Variants in CEP83 observed in about 807,000 individuals in gnomAD.
CEP83 encodes the protein centrosomal protein 83, also known as centrosomal protein of 83 kDa.
In CEP83, 70 loss-of-function variants were observed where a neutral mutation model predicts 101.9. That is an observed-to-expected ratio of 0.69 (90% confidence interval 0.57 to 0.84). The LOEUF is 0.84. Among genes scored for constraint, CEP83 ranks in the 40% least tolerant of loss-of-function variants. The pLI is 0.00. For missense variants in CEP83, 715 were observed against 787.2 expected (o/e 0.91, Z 1.10); for synonymous variants, 264 against 267.9 (o/e 0.99, Z 0.14).
At position 94,378,796 on chromosome 12, in the gene CEP83, G is replaced by C. The variant is rs568103955; in HGVS notation, c.796C>G (p.Leu266Val). The C allele has an allele frequency of 4.5e-5, 73 of 1,613,930 alleles. No homozygotes were observed. In the Admixed American group the frequency reaches 4.7e-4, roughly 10 times the overall value. The stretch of plus-strand genomic sequence containing the variant: ...GGAAGTAATTAGAATCTTACCTCCA[G>C]GGATCTGACTGTAGCCTGCATCTCA... Reference protein sequence around the residue: ...LAEMQATVRSLEAEKQSANLR... With the variant: ...LAEMQATVRSVEAEKQSANLR... Residue 266 changes from leucine (L) to valine (V), a missense_variant, in exon 7 of 17, where the codon CTG becomes GTG. Physicochemically the swap from Leu to Val is conservative, Grantham distance 32 (BLOSUM62 1). Coordinates refer to ENST00000397809, the MANE Select transcript of CEP83 (RefSeq NM_016122.3).
chr12:94,277,846 T>G, the CEP83 span: 2 of 429,408 alleles, frequency 4.7e-6, no homozygotes, highest in Admixed American at 4.9e-5. Context: ...ATGATCACAT[T>G]TAATCTCCCT....
At chr12:94,292,031 C>T in the CEP83 span, among the ~76,000 whole-genome samples, 159 of 152,298 alleles carry the variant, frequency 1.0e-3, no homozygotes, top group African/African-American at 3.3e-3. Context: ...TGCAGTTCAT[C>T]CATGCTGTAG....
intron 6 of CEP83, among the ~76,000 whole-genome samples, chr12:94,396,493 T>C (rs1255743104): frequency 6.6e-6 from 1 of 151,894 alleles, no homozygotes; most frequent in Non-Finnish European, 1.5e-5. Context: ...TTTCACTGTG[T>C]TAGCCAGGAT....
chr12:94,298,193 T>C, the CEP83 span, among the ~76,000 whole-genome samples: 4 of 152,370 alleles, frequency 2.6e-5, no homozygotes, highest in East Asian at 7.7e-4. Context: ...TCAAATGCTT[T>C]GGAAAGTACA....
rs534019766 is a variant in CEP83 at position 94,384,875 on chromosome 12, C to T, written c.550-5833G>A. Among the ~76,000 whole-genome samples the T allele has an allele frequency of 5.3e-5, 8 of 152,272 alleles. No individual in the cohort carries two copies. In the South Asian group the frequency reaches 1.2e-3, roughly 24 times the overall value. ...AATGTTTGTCAAATAATTCTAACAC[C>T]TCTGCATCTCAGTGTTGGCATCTAT... On this transcript the variant is annotated intron_variant, in intron 6 of 16. Transcript: ENST00000397809.
rs946589721 is a variant in CEP83, at chr12:94,459,177, G to A, written c.-155+380C>T. Among the ~76,000 whole-genome samples the A allele has an allele frequency of 1.7e-4, 26 of 152,198 alleles. 1 individual carries two copies. The highest frequency in any genetic ancestry group is 6.0e-4 in the African/African-American group (25 of 41,440). Reference sequence around the variant, plus strand: ...TTATGGTCAAAAGTTGGACACTGAGGATTAACCAAAGTATTTAAACCCAGC... The same window carrying A: ...TTATGGTCAAAAGTTGGACACTGAGAATTAACCAAAGTATTTAAACCCAGC... On this transcript the variant is annotated intron_variant, in intron 1 of 16. Transcript: ENST00000397809.
At chr12:94,268,588 C>CTTTTTTTTTTTTTTTTTTTT in the CEP83 span, among the ~76,000 whole-genome samples, 24 of 90,878 alleles carry the variant, frequency 2.6e-4, 1 homozygote, top group African/African-American at 1.0e-3. Flanking sequence ...AGAATAAGAC[C>CTTTTTTTTTTTTTTTTTTTT]TTTTTTTTTT....
chr12:94,315,378 C>A (rs1463861753), intron 14 of CEP83, among the ~76,000 whole-genome samples: 1 of 152,024 alleles, frequency 6.6e-6, no homozygotes, highest in African/African-American at 2.4e-5. Flanking sequence ...ATCTGGATAT[C>A]CCTTCTTTGT....
In CEP83 at chr12:94,376,018, C is replaced by T; in HGVS notation, c.802-1G>A. 1.9e-6 allele frequency: 3 copies of T among 1,539,902 alleles called. No individual in the cohort carries two copies. The East Asian group carries it at 7.0e-5, about 36-fold the overall frequency. ...GTAAATTAGCTGATTGTTTTTCAGC[C>T]TTTCATACAAACAAAATAGTTTAAA... is the stretch of plus-strand genomic sequence containing the variant. On this transcript the variant is annotated splice_acceptor_variant, in intron 7 of 16. Coordinates refer to ENST00000397809, the MANE Select transcript of CEP83 (RefSeq NM_016122.3). LOFTEE classifies it high-confidence loss of function.
At chr12:94,312,346 A>C (rs1375583608) in intron 15 of CEP83, among the ~76,000 whole-genome samples, 1 of 152,234 alleles carries the variant, frequency 6.6e-6, no homozygotes, top group Non-Finnish European at 1.5e-5. Flanking sequence ...AAAAATCTAT[A>C]CTTGAATAGC....
intron 9 of CEP83, 106 bp downstream of exon 9, chr12:94,369,816 A>C (rs887112989): frequency 1.5e-6 from 1 of 651,304 alleles, no homozygotes; most frequent in African/African-American, 1.8e-5. Context: ...AAACTAAATT[A>C]AGTTGAAAAT....
In CEP83 at chr12:94,400,880, TAA is replaced by T. The variant is rs766875400; in HGVS notation, c.517_518del (p.Leu173ArgfsTer2). The T allele has an allele frequency of 6.7e-7, 1 of 1,483,220 alleles. No homozygotes were observed. Among genetic ancestry groups the T allele is most frequent in the East Asian group, 2.5e-5 (1 of 39,692 alleles). The allele number at this position is 1,483,220 out of a possible 1,614,324, so 91.9% of individuals were successfully genotyped here. The stretch of plus-strand genomic sequence containing the variant: ...ATTCATATTTTATTTTTCCTTCATC[TAA>T]AATACGTGCATACTCTTCCTTCTGG... The part of the protein sequence containing the change: ...EHQKEEYARI[L>X]DEGKIKYESE... On this transcript the variant is annotated frameshift_variant, in exon 6 of 17. Transcript: ENST00000397809. LOFTEE classifies it high-confidence loss of function.
At chr12:94,282,900 C>G in the CEP83 span, 1 of 154,684 alleles carries the variant, frequency 6.5e-6, no homozygotes, top group African/African-American at 2.4e-5. Flanking sequence ...AACCCACATA[C>G]TGGGTGAGTG....
At chr12:94,458,078 C>A (rs989690937) in intron 1 of CEP83, among the ~76,000 whole-genome samples, 29 of 151,494 alleles carry the variant, frequency 1.9e-4, no homozygotes, top group African/African-American at 7.0e-4. Context: ...GCACCTGTAA[C>A]CCCAGCTACT....
chr12:94,431,737 A>G (rs900156043), intron 2 of CEP83, among the ~76,000 whole-genome samples: 2 of 152,218 alleles, frequency 1.3e-5, no homozygotes, highest in Non-Finnish European at 2.9e-5. Context: ...CCACAGCAAC[A>G]TATCATCTTA....
the CEP83 span, among the ~76,000 whole-genome samples, chr12:94,287,820 A>G: frequency 6.6e-6 from 1 of 152,218 alleles, no homozygotes; most frequent in African/African-American, 2.4e-5. Context: ...ATATTCATTT[A>G]ACAAACACGT....
intron 6 of CEP83, among the ~76,000 whole-genome samples, chr12:94,400,003 T>C (rs981961846): frequency 5.3e-5 from 8 of 152,336 alleles, no homozygotes; most frequent in African/African-American, 1.7e-4. Context: ...CAGTTTTAGT[T>C]TTTATTAGAT....
At chr12:94,328,233 A>G (rs539815423) in intron 14 of CEP83, 8 of 306,474 alleles carry the variant, frequency 2.6e-5, no homozygotes, top group Admixed American at 8.0e-5. Context: ...TCTCTCTTCA[A>G]TGGGGGTGGG....
At chr12:94,300,362 A>T in the CEP83 span, among the ~76,000 whole-genome samples, 1 of 152,218 alleles carries the variant, frequency 6.6e-6, no homozygotes, top group African/African-American at 2.4e-5. Context: ...GAGGCAAGAA[A>T]GTTTCAGGCA....
Sources: allele counts gnomAD v4.1 joint callset (sites outside exome capture counted in the v4.1 genomes callset), GRCh38; gene constraint gnomAD v4.1.1; transcripts MANE v1.5; gene names NCBI Gene and HGNC (gene_info 2026-07-23, HGNC 2026-07-21).